The following RPS6KC1 variants were observed in gnomAD, a reference collection of about 807,000 sequenced individuals.
The protein encoded by RPS6KC1 is inactive ribosomal protein S6 kinase delta-1.
A neutral mutation model predicts 103.8 loss-of-function variants in RPS6KC1; 54 were observed. The ratio of observed to expected loss-of-function variants is 0.52; its 90% CI spans 0.42 to 0.65. RPS6KC1 has a LOEUF of 0.65. RPS6KC1 is among the 30% of genes least tolerant of loss of function. RPS6KC1 has a pLI of 0.00. For synonymous variants in RPS6KC1, 439 were observed against 438.7 expected, an observed-to-expected ratio of 1.00 and a Z score of -0.01; for missense variants, 1,151 against 1,253.8, an observed-to-expected ratio of 0.92 and a Z score of 1.24.
chr1:213,407,380 C>G, the RPS6KC1 span, among the ~76,000 whole-genome samples: 1 of 152,064 alleles, frequency 6.6e-6, no homozygotes, highest in African/African-American at 2.4e-5. Flanking sequence ...TCATTCCCTT[C>G]TGCATAAAAG....
the RPS6KC1 span, among the ~76,000 whole-genome samples, chr1:213,569,209 T>C: frequency 3.0e-3 from 459 of 152,344 alleles, no homozygotes; most frequent in Non-Finnish European, 5.0e-3. Flanking sequence ...GGTGCCTTGC[T>C]GACTTGTCTG....
At chr1:213,330,512 C>T in the RPS6KC1 span, among the ~76,000 whole-genome samples, 11 of 152,280 alleles carry the variant, frequency 7.2e-5, no homozygotes, top group South Asian at 2.1e-4. Flanking sequence ...ATTCTAGATC[C>T]GTGTGCAATC....
At chr1:213,212,155 G>A (rs1558547123) in intron 8 of RPS6KC1, among the ~76,000 whole-genome samples, 1 of 152,132 alleles carries the variant, frequency 6.6e-6, no homozygotes. Context: ...TTGGACAAAT[G>A]TATAATGACC....
chr1:213,249,387 A>T (rs1048361260), intron 12 of RPS6KC1, among the ~76,000 whole-genome samples: 1 of 152,242 alleles, frequency 6.6e-6, no homozygotes, highest in Non-Finnish European at 1.5e-5. Flanking sequence ...GCAGTTCTTC[A>T]CAAATTCTTC....
the RPS6KC1 span, among the ~76,000 whole-genome samples, chr1:213,442,866 A>T: frequency 6.6e-6 from 1 of 151,668 alleles, no homozygotes; most frequent in African/African-American, 2.4e-5. Flanking sequence ...CAGGCACTTG[A>T]TCCATCTGGG....
chr1:213,859,974 AAC>A, the RPS6KC1 span, among the ~76,000 whole-genome samples: 1 of 146,740 alleles, frequency 6.8e-6, no homozygotes, highest in African/African-American at 2.8e-5. Flanking sequence ...ATACAGTCTA[AAC>A]AAAAAAAAAA....
chr1:213,831,775 A>T, the RPS6KC1 span, among the ~76,000 whole-genome samples: 1 of 152,224 alleles, frequency 6.6e-6, no homozygotes, highest in Non-Finnish European at 1.5e-5. Context: ...AACTAAGGGA[A>T]TTAAAGAATC....
At chr1:213,576,628 T>C in the RPS6KC1 span, among the ~76,000 whole-genome samples, 1 of 152,190 alleles carries the variant, frequency 6.6e-6, no homozygotes, top group African/African-American at 2.4e-5. Context: ...ACTGCTCCTC[T>C]TCAGTCTCTT....
At chr1:213,394,226 C>T in the RPS6KC1 span, among the ~76,000 whole-genome samples, 1 of 152,166 alleles carries the variant, frequency 6.6e-6, no homozygotes, top group South Asian at 2.1e-4. Context: ...TCTGCGAGCT[C>T]CCTGTGAACT....
At chr1:213,838,571 T>C in the RPS6KC1 span, among the ~76,000 whole-genome samples, 1 of 151,998 alleles carries the variant, frequency 6.6e-6, no homozygotes, top group Non-Finnish European at 1.5e-5. Context: ...CCTTCCGATT[T>C]GTATTTTTCT....
At chr1:213,252,245 G>T (rs2094558640) in intron 12 of RPS6KC1, among the ~76,000 whole-genome samples, 2 of 152,204 alleles carry the variant, frequency 1.3e-5, no homozygotes, top group South Asian at 4.1e-4. Context: ...ATGCTGCAGG[G>T]AAAGATTGTC....
At chr1:213,573,669 T>C in the RPS6KC1 span, among the ~76,000 whole-genome samples, 4 of 152,232 alleles carry the variant, frequency 2.6e-5, no homozygotes, top group Non-Finnish European at 5.9e-5. Flanking sequence ...CAGTTACTGG[T>C]TGTTGAAACC....
the RPS6KC1 span, among the ~76,000 whole-genome samples, chr1:213,850,197 G>A: frequency 2.0e-5 from 3 of 151,980 alleles, no homozygotes; most frequent in African/African-American, 7.3e-5. Context: ...GAATGCTTCT[G>A]CCATTTTACT....
the RPS6KC1 span, among the ~76,000 whole-genome samples, chr1:213,378,634 A>ATTT: frequency 2.8e-4 from 42 of 152,370 alleles, 1 homozygote; most frequent in East Asian, 6.9e-3. Flanking sequence ...TTTAATAAAT[A>ATTT]AATGATGGAT....
the RPS6KC1 span, among the ~76,000 whole-genome samples, chr1:213,604,134 A>G: frequency 6.6e-6 from 1 of 152,244 alleles, no homozygotes. Flanking sequence ...ACAATCAGCT[A>G]GACTCTGCCC....
chr1:213,493,336 A>T, the RPS6KC1 span, among the ~76,000 whole-genome samples: 1 of 152,182 alleles, frequency 6.6e-6, no homozygotes, highest in Non-Finnish European at 1.5e-5. Context: ...GTGCAAAAAG[A>T]ATTTTGGTGT....
intron 7 of RPS6KC1, among the ~76,000 whole-genome samples, chr1:213,174,629 C>T (rs898782644): frequency 1.7e-4 from 25 of 146,688 alleles, no homozygotes; most frequent in Non-Finnish European, 3.3e-4. Context: ...AAGATTGAGC[C>T]GCTGCACTCC....
At chr1:213,131,850 AT>A (rs1049392564) in intron 6 of RPS6KC1, among the ~76,000 whole-genome samples, 43 of 152,190 alleles carry the variant, frequency 2.8e-4, no homozygotes, top group African/African-American at 9.2e-4. Flanking sequence ...TAAAATGGGT[AT>A]GAGTTATAAA....
rs200954000 is a variant in RPS6KC1, at chr1:213,167,904, C to T, written c.882C>T (p.Ala294=). ...TRREAVKRRT[A]EYLMRAESIS... ...GAGAAGCTGTGAAGAGAAGAACAGC[C>T]GAGTACCTCATGCGGGCAGAAAGTA... The change falls in exon 7 of 15, where the codon GCC becomes GCT. Residue 294 remains alanine (A), a synonymous_variant. Transcript: ENST00000366960. The T allele has an allele frequency of 6.2e-5, 100 of 1,613,678 alleles. 1 individual carries two copies. Among genetic ancestry groups the T allele is most frequent in the South Asian group, 5.3e-4 (48 of 91,020 alleles).
Sources: gnomAD v4.1 joint callset for allele counts (sites outside exome capture counted in the v4.1 genomes callset) on GRCh38, gnomAD v4.1.1 for gene constraint, MANE v1.5 for transcripts, NCBI Gene and HGNC (gene_info 2026-07-23, HGNC 2026-07-21) for gene names.